THAP2: variants seen among roughly 807,000 people sequenced by gnomAD.
THAP2 encodes THAP domain-containing protein 2.
Under a neutral mutation model 18.8 loss-of-function variants are expected in THAP2, and 16 were observed. The observed-to-expected ratio is 0.85, with a 90% CI of 0.58 to 1.29. The LOEUF is 1.29. Among genes scored for constraint, THAP2 ranks in the 50% most tolerant of loss-of-function variants. THAP2 has a pLI of 0.00. For missense variants in THAP2, 251 were observed against 265.3 expected, an observed-to-expected ratio of 0.95 and a Z score of 0.38; for synonymous variants, 80 against 89.2, an observed-to-expected ratio of 0.90 and a Z score of 0.58.
intron 1 of THAP2, among the ~76,000 whole-genome samples, chr12:71,673,423 A>G (rs1474087796): frequency 6.6e-6 from 1 of 152,198 alleles, no homozygotes; most frequent in East Asian, 1.9e-4. Context: ...TAAAGGGTCA[A>G]CTGTACTTTA....
rs543662306 is a variant in THAP2 at position 71,670,056 on chromosome 12, C to T, written c.72-4147C>T. ...ATGTTAGTATCTTCAGATCAGGGTACGTATAGGGTTGAGGGGGATGGGGAC... is the reference window on the plus strand; with the variant it reads ...ATGTTAGTATCTTCAGATCAGGGTATGTATAGGGTTGAGGGGGATGGGGAC... On this transcript the variant is annotated intron_variant, in intron 1 of 2. Transcript: ENST00000308086. Among the ~76,000 whole-genome samples, 96 of 151,406 alleles carry T rather than the reference C, an allele frequency of 6.3e-4. 3 individuals are homozygous for T. The South Asian group carries it at 0.018, about 29-fold the overall frequency.
rs970300386 is a variant in THAP2 at position 71,664,444 on chromosome 12, A to C, written c.-66A>C. The C allele has an allele frequency of 3.7e-6, 6 of 1,600,068 alleles. No homozygotes were observed. The highest frequency in any genetic ancestry group is 5.1e-6 in the Non-Finnish European group (6 of 1,167,806). ...CTGCCTCGATTGTCCAGCCTCTGCC[A>C]GAAGAAAGCTTAGCAGCCAGCGCCT... is the stretch of plus-strand genomic sequence containing the variant. On this transcript the variant is annotated 5_prime_UTR_variant, in exon 1 of 3. Transcript: ENST00000308086.
chr12:71,667,087 C>T (rs915722713), intron 1 of THAP2, among the ~76,000 whole-genome samples: 16 of 152,190 alleles, frequency 1.1e-4, no homozygotes, highest in African/African-American at 3.9e-4. Flanking sequence ...CTTACTGTCT[C>T]TATCTTTCTT....
At chr12:71,672,403 A>AT (rs981560567) in intron 1 of THAP2, among the ~76,000 whole-genome samples, 5 of 152,254 alleles carry the variant, frequency 3.3e-5, no homozygotes, top group African/African-American at 1.2e-4. Flanking sequence ...TTGTTTTATC[A>AT]TATAACAACC....
In THAP2 at chr12:71,679,861, C is replaced by G. The variant is rs952025302; in HGVS notation, c.*2753C>G. 14 of 152,034 alleles carry G rather than the reference C, an allele frequency of 9.2e-5. No homozygotes were observed. The highest frequency in any genetic ancestry group is 3.1e-4 in the African/African-American group (13 of 41,408). 9.4% of individuals were successfully genotyped at this position (152,034 alleles called of 1,614,324 possible). A position where few individuals can be genotyped will look rare whatever the true frequency, so the allele number is the denominator to read the frequency against. On this transcript the variant is annotated 3_prime_UTR_variant, in exon 3 of 3. Coordinates refer to ENST00000308086, the MANE Select transcript of THAP2 (RefSeq NM_031435.4). ...AGGTACAAGGACATTGGCATTTGAC[C>G]TGAATTATGGTGTTTTATTGAATGA...
At chr12:71,675,798 A>C (rs1237604752) in intron 2 of THAP2, among the ~76,000 whole-genome samples, 1 of 152,140 alleles carries the variant, frequency 6.6e-6, no homozygotes, top group Admixed American at 6.6e-5. Context: ...TTTTTCCTTT[A>C]GATAATAGAT....
chr12:71,670,025 A>G (rs560143725), intron 1 of THAP2, among the ~76,000 whole-genome samples: 5 of 152,144 alleles, frequency 3.3e-5, no homozygotes, highest in African/African-American at 1.2e-4. Flanking sequence ...GTGGAGTGAT[A>G]TACAGATGTT....
At position 71,664,316 on chromosome 12, in the gene THAP2, TAAAG is replaced by T; in HGVS notation, c.-192_-189del. 1 of 610,208 alleles carries T rather than the reference TAAAG, an allele frequency of 1.6e-6. No individual in the cohort carries two copies. Among genetic ancestry groups the T allele is most frequent in the African/African-American group, 1.9e-5 (1 of 53,972 alleles). The allele number at this position is 610,208 out of a possible 1,614,324, so 37.8% of individuals were successfully genotyped here. The stretch of plus-strand genomic sequence containing the variant: ...TGTGGGCTCTAGTCGGCCATATTAA[TAAAG>T]AGAAAGGGAAGGCTGACCGTCCTTC... On this transcript the variant is annotated 5_prime_UTR_variant, in exon 1 of 3. Coordinates refer to ENST00000308086, the MANE Select transcript of THAP2 (RefSeq NM_031435.4).
At chr12:71,670,461 A>G (rs1881417391) in intron 1 of THAP2, among the ~76,000 whole-genome samples, 1 of 152,286 alleles carries the variant, frequency 6.6e-6, no homozygotes, top group East Asian at 1.9e-4. Context: ...TGAACAATGC[A>G]GGGTTTAGGG....
At chr12:71,670,936 CAAAAAAA>C (rs35547227) in intron 1 of THAP2, among the ~76,000 whole-genome samples, 1 of 98,952 alleles carries the variant, frequency 1.0e-5, no homozygotes, top group Admixed American at 1.1e-4. Flanking sequence ...AAAACTGTCT[CAAAAAAA>C]AAAAAAAAAA....
Position 71,664,562 on chromosome 12 carries a change from T to G in THAP2, c.53T>G (p.Ile18Ser). Residue 18 changes from isoleucine to serine, a missense_variant, in exon 1 of 3, where the codon ATT becomes AGT. By Grantham distance (142) the Ile-to-Ser change is moderately radical. Transcript: ENST00000308086. ...AGCATTYNKH[I>S]NISFHRFPLD... is the part of the protein sequence containing the mutation. ...TGTGCCACTACCTACAACAAGCACA[T>G]TAACATCAGCTTCCACAGGTAACCT... 4 of 1,614,166 alleles carry G rather than the reference T, an allele frequency of 2.5e-6. No individual in the cohort carries two copies. The highest frequency in any genetic ancestry group is 2.5e-6 in the Non-Finnish European group (3 of 1,180,018).
At chr12:71,668,838 C>G (rs1209716495) in intron 1 of THAP2, among the ~76,000 whole-genome samples, 2 of 152,170 alleles carry the variant, frequency 1.3e-5, no homozygotes, top group African/African-American at 4.8e-5. Context: ...TTACCATCAT[C>G]TTAATTTTAT....
At chr12:71,672,476 A>T (rs927423168) in intron 1 of THAP2, among the ~76,000 whole-genome samples, 1 of 151,322 alleles carries the variant, frequency 6.6e-6, no homozygotes, top group Non-Finnish European at 1.5e-5. Context: ...TTTTCTTTCT[A>T]AAAAAAAACT....
At chr12:71,670,441 A>G (rs1881416920) in intron 1 of THAP2, among the ~76,000 whole-genome samples, 1 of 152,188 alleles carries the variant, frequency 6.6e-6, no homozygotes, top group Non-Finnish European at 1.5e-5. Context: ...ATCAGTGTAC[A>G]GTTGACCCTT....
At chr12:71,665,763 T>A (rs1325501740) in intron 1 of THAP2, 2 of 152,202 alleles carry the variant, frequency 1.3e-5, no homozygotes, top group African/African-American at 4.8e-5. Flanking sequence ...TAAGAGTACT[T>A]GAGAAACCAT....
chr12:71,664,497 G>A lies in THAP2; in HGVS notation c.-13G>A, dbSNP rs1407199728. ...GTAGAGACCTAAGGGCGCTGAATGA[G>A]TGGGAAAGGGAAATGCCGACCAATT... On this transcript the variant is annotated 5_prime_UTR_variant, in exon 1 of 3. The change creates a new upstream start codon in the 5' untranslated region. Transcript: ENST00000308086. 2 of 1,614,056 alleles carry A rather than the reference G, an allele frequency of 1.2e-6. No homozygotes were observed. The highest frequency in any genetic ancestry group is 1.3e-5 in the African/African-American group (1 of 74,912).
intron 1 of THAP2, among the ~76,000 whole-genome samples, chr12:71,671,213 C>G (rs1881431349): frequency 1.3e-5 from 2 of 152,140 alleles, no homozygotes; most frequent in African/African-American, 4.8e-5. Flanking sequence ...CTATATTGCA[C>G]CAATCCTTCT....
chr12:71,670,768 G>T (rs1197081535), intron 1 of THAP2, among the ~76,000 whole-genome samples: 1 of 151,594 alleles, frequency 6.6e-6, no homozygotes, highest in Admixed American at 6.6e-5. Flanking sequence ...GTGAAACCCC[G>T]TCTCTATTAA....
In THAP2 at chr12:71,664,596, A is replaced by T. The variant is rs773079819; in HGVS notation, c.71+16A>T. ...GCTTCCACAGGTAACCTGGGCAGGGAGTGGGGGTGACGGAAACTGGAGTTC... is the reference window on the plus strand; with the variant it reads ...GCTTCCACAGGTAACCTGGGCAGGGTGTGGGGGTGACGGAAACTGGAGTTC... On this transcript the variant is annotated intron_variant, in intron 1 of 2. Coordinates refer to ENST00000308086, the MANE Select transcript of THAP2 (RefSeq NM_031435.4). The T allele has an allele frequency of 3.9e-5, 63 of 1,613,974 alleles. No homozygotes were observed.
Sources: allele counts gnomAD v4.1 joint callset (sites outside exome capture counted in the v4.1 genomes callset), GRCh38; gene constraint gnomAD v4.1.1; transcripts MANE v1.5; gene names NCBI Gene and HGNC (gene_info 2026-07-23, HGNC 2026-07-21).